CORIN: variants seen among roughly 807,000 people sequenced by gnomAD.
CORIN encodes atrial natriuretic peptide-converting enzyme.
Under a neutral mutation model 125.3 loss-of-function variants are expected in CORIN, and 117 were observed. That is an observed-to-expected ratio of 0.93 (90% CI 0.80 to 1.09). The LOEUF (loss-of-function observed/expected upper bound fraction) is 1.09. Among genes scored for constraint, CORIN ranks in the 50% least tolerant of loss-of-function variants. CORIN has a pLI of 0.00. For synonymous variants in CORIN, 450 were observed against 466.4 expected (o/e 0.96, Z 0.45); for missense variants, 1,253 against 1,306.7 (o/e 0.96, Z 0.63).
At chr4:47,655,855 A>G (rs1432308391) in intron 12 of CORIN, among the ~76,000 whole-genome samples, 1 of 151,776 alleles carries the variant, frequency 6.6e-6, no homozygotes, top group Non-Finnish European at 1.5e-5. Context: ...AGCAGAAAAA[A>G]AAAAAAAAAA....
In CORIN at chr4:47,808,582, G is replaced by A. The variant is rs61756986; in HGVS notation, c.64-1535C>T. ...AGAGACATTATTTGAAGTAACTTGTGTTGTTAACTTGAGAAGAACTTCATT... is the reference window on the plus strand; with the variant it reads ...AGAGACATTATTTGAAGTAACTTGTATTGTTAACTTGAGAAGAACTTCATT... On this transcript the variant is annotated intron_variant, in intron 1 of 21. Coordinates refer to ENST00000273857, the MANE Select transcript of CORIN (RefSeq NM_006587.4). Among the ~76,000 whole-genome samples, 356 of 152,288 alleles carry A rather than the reference G, an allele frequency of 2.3e-3. 2 individuals are homozygous for A. The highest frequency in any genetic ancestry group is 3.8e-3 in the Admixed American group (58 of 15,304).
At chr4:47,724,259 A>T (rs2109803035) in intron 5 of CORIN, among the ~76,000 whole-genome samples, 1 of 152,282 alleles carries the variant, frequency 6.6e-6, no homozygotes, top group African/African-American at 2.4e-5. Context: ...TTTAAAAGAC[A>T]CTGAAATTGC....
At position 47,677,972 on chromosome 4, in the gene CORIN, G is replaced by T. The variant is rs1460111263; in HGVS notation, c.1215C>A (p.Cys405Ter). 6.2e-7 allele frequency: 1 copy of T among 1,613,788 alleles called. No homozygotes were observed. The highest frequency in any genetic ancestry group is 8.5e-7 in the Non-Finnish European group (1 of 1,179,834). The change falls in exon 9 of 22, where the codon TGC (cysteine) becomes TGA (stop). Residue 405 changes from cysteine (C) to a stop codon, truncating the protein, a stop_gained. Transcript: ENST00000273857. LOFTEE classifies it high-confidence loss of function. The stretch of plus-strand genomic sequence containing the variant: ...AGTTCTCCTCATCACTCCCATCCTT[G>T]CAGTCCTCGTCACCATCACATTGAA... ...STFQCDGDED[C>*]KDGSDEENCS...
At chr4:47,836,085 C>T (rs1733386577) in intron 1 of CORIN, among the ~76,000 whole-genome samples, 1 of 152,096 alleles carries the variant, frequency 6.6e-6, no homozygotes, top group African/African-American at 2.4e-5. Flanking sequence ...AATAGTTCAT[C>T]CTATTGAAAT....
intron 3 of CORIN, among the ~76,000 whole-genome samples, chr4:47,785,772 C>T (rs1372238168): frequency 3.3e-5 from 5 of 151,832 alleles, no homozygotes; most frequent in Admixed American, 2.6e-4. Flanking sequence ...ATTAGCCAGG[C>T]ATGGTGGCGC....
At chr4:47,619,636 AT>A (rs1249593788) in intron 19 of CORIN, among the ~76,000 whole-genome samples, 4 of 152,336 alleles carry the variant, frequency 2.6e-5, no homozygotes, top group Admixed American at 2.6e-4. Context: ...CGTGCCTTTA[AT>A]TATAAGCACA....
At chr4:47,630,329 C>T (rs1722759371) in intron 16 of CORIN, among the ~76,000 whole-genome samples, 1 of 152,140 alleles carries the variant, frequency 6.6e-6, no homozygotes, top group Non-Finnish European at 1.5e-5. Context: ...TGTAAATCAT[C>T]TTACGTAAAA....
At chr4:47,704,223 A>G (rs548192801) in intron 5 of CORIN, among the ~76,000 whole-genome samples, 34 of 151,810 alleles carry the variant, frequency 2.2e-4, no homozygotes, top group South Asian at 8.4e-4. Context: ...CTAACAGGGG[A>G]AAAAAAAATT....
chr4:47,621,342 G>A (rs1192637637), intron 19 of CORIN, among the ~76,000 whole-genome samples: 1 of 152,176 alleles, frequency 6.6e-6, no homozygotes, highest in Non-Finnish European at 1.5e-5. Context: ...GAGGAACTGA[G>A]GCCCCAGCCA....
chr4:47,682,406 C>G (rs1052876064), intron 7 of CORIN: 1 of 136,542 alleles, frequency 7.3e-6, no homozygotes, highest in Non-Finnish European at 1.5e-5. Context: ...AGCGCCACTG[C>G]ACTCCAGCCT....
intron 4 of CORIN, among the ~76,000 whole-genome samples, chr4:47,757,733 A>G (rs911348264): frequency 6.6e-6 from 1 of 151,446 alleles, no homozygotes; most frequent in Non-Finnish European, 1.5e-5. Flanking sequence ...TTATCAGGTC[A>G]GGGGAAAAGG....
At chr4:47,735,366 T>C (rs899929975) in intron 5 of CORIN, among the ~76,000 whole-genome samples, 12 of 152,212 alleles carry the variant, frequency 7.9e-5, no homozygotes, top group Non-Finnish European at 1.6e-4. Context: ...AGATGCATTT[T>C]TGGAGAATTA....
chr4:47,722,073 C>T (rs1487418710), intron 5 of CORIN, among the ~76,000 whole-genome samples: 1 of 152,338 alleles, frequency 6.6e-6, no homozygotes, highest in East Asian at 1.9e-4. Flanking sequence ...ATTCATCACA[C>T]ATACTGATGC....
intron 3 of CORIN, among the ~76,000 whole-genome samples, chr4:47,768,290 G>C (rs533727599): frequency 1.2e-3 from 177 of 152,308 alleles, no homozygotes; most frequent in African/African-American, 3.8e-3. Flanking sequence ...CACAAAGCCT[G>C]TTCGGTGGTC....
At chr4:47,698,119 G>A (rs1460289993) in intron 5 of CORIN, among the ~76,000 whole-genome samples, 1 of 151,410 alleles carries the variant, frequency 6.6e-6, no homozygotes, top group East Asian at 1.9e-4. Flanking sequence ...CCCTTGCCTT[G>A]GGAAGCTTAT....
intron 20 of CORIN, among the ~76,000 whole-genome samples, chr4:47,601,163 C>T (rs554604995): frequency 6.6e-6 from 1 of 152,260 alleles, no homozygotes; most frequent in South Asian, 2.1e-4. Context: ...AGAATAAGAA[C>T]AATAGCTAAC....
chr4:47,785,017 T>C (rs1296870749), intron 3 of CORIN, among the ~76,000 whole-genome samples: 2 of 152,222 alleles, frequency 1.3e-5, no homozygotes, highest in Non-Finnish European at 2.9e-5. Context: ...AATCCTTCCT[T>C]TCCTGGCTCA....
intron 16 of CORIN, among the ~76,000 whole-genome samples, chr4:47,634,540 A>T (rs1382731123): frequency 6.6e-6 from 1 of 152,198 alleles, no homozygotes; most frequent in Non-Finnish European, 1.5e-5. Flanking sequence ...AGTCTGAGGC[A>T]GGAGAATCAC....
At chr4:47,750,778 C>T (rs541202682) in intron 4 of CORIN, among the ~76,000 whole-genome samples, 13 of 152,318 alleles carry the variant, frequency 8.5e-5, no homozygotes, top group African/African-American at 3.1e-4. Flanking sequence ...CTTCCATTGG[C>T]TGAACCCAAC....
Sources: gnomAD v4.1 joint callset for allele counts (sites outside exome capture counted in the v4.1 genomes callset) on GRCh38, gnomAD v4.1.1 for gene constraint, MANE v1.5 for transcripts, NCBI Gene and HGNC (gene_info 2026-07-23, HGNC 2026-07-21) for gene names.